The following CDH20 variants were observed in gnomAD, a reference collection of about 807,000 sequenced individuals.
CDH20 encodes cadherin 20.
CDH20 carries 29 observed loss-of-function variants against 74.2 expected under a neutral mutation model. The ratio of observed to expected loss-of-function variants is 0.39; its 90% CI spans 0.29 to 0.53. The LOEUF (loss-of-function observed/expected upper bound fraction) is 0.53. Ranked by LOEUF, CDH20 falls within the 20% of genes least tolerant of loss-of-function variation. The pLI is 0.69. For missense variants in CDH20, 988 were observed against 1,048.3 expected (o/e 0.94, Z 0.79); for synonymous variants, 469 against 405.4 (o/e 1.16, Z -1.88).
intron 1 of CDH20, 140 bp from the exon 2 acceptor site, chr18:61,490,262 T>C (rs1022868440): frequency 3.1e-6 from 1 of 318,982 alleles, no homozygotes; most frequent in Non-Finnish European, 5.9e-6. Context: ...TACTCAAACA[T>C]TTCTAAAGCA....
chr18:61,535,707 T>C (rs1912797235), intron 7 of CDH20, among the ~76,000 whole-genome samples: 1 of 152,244 alleles, frequency 6.6e-6, no homozygotes, highest in South Asian at 2.1e-4. Flanking sequence ...TAAAGATGCA[T>C]GTTGGTCCAG....
chr18:61,544,612 C>G (rs1323604150), intron 9 of CDH20, among the ~76,000 whole-genome samples: 1 of 152,184 alleles, frequency 6.6e-6, no homozygotes, highest in Non-Finnish European at 1.5e-5. Flanking sequence ...GGCTGAACTT[C>G]CCTTGGCATC....
chr18:61,469,403 ACC>A (rs3221745), intron 1 of CDH20, among the ~76,000 whole-genome samples: 1 of 145,298 alleles, frequency 6.9e-6, no homozygotes, highest in East Asian at 2.0e-4. Flanking sequence ...ACACACACAC[ACC>A]CCTATATAAA....
Position 61,490,438 on chromosome 18 carries a change from C to T in CDH20, c.-116C>T, listed in dbSNP as rs1288423818. ...CAAGCAGATTGACTTGAAACGGGAT[C>T]TCATTTAGGAAGCATAAGTGTCCAA... On this transcript the variant is annotated 5_prime_UTR_variant, in exon 2 of 12. Coordinates refer to ENST00000262717, the MANE Select transcript of CDH20 (RefSeq NM_031891.4). 9.0e-6 allele frequency: 9 copies of T among 996,458 alleles called. No homozygotes were observed. The East Asian group carries it at 1.9e-4, about 21-fold the overall frequency. 61.7% of individuals were successfully genotyped at this position (996,458 alleles called of 1,614,324 possible).
At chr18:61,506,076 C>G (rs993507687) in intron 5 of CDH20, among the ~76,000 whole-genome samples, 2 of 152,130 alleles carry the variant, frequency 1.3e-5, no homozygotes, top group Non-Finnish European at 2.9e-5. Context: ...AGCTAAGCCA[C>G]CTTTAATAGA....
At chr18:61,531,366 T>C (rs571057883) in intron 7 of CDH20, among the ~76,000 whole-genome samples, 2 of 152,338 alleles carry the variant, frequency 1.3e-5, no homozygotes, top group South Asian at 4.1e-4. Flanking sequence ...CCCCTTGGCA[T>C]CATGCCTGCA....
intron 1 of CDH20, among the ~76,000 whole-genome samples, chr18:61,416,713 A>G (rs1912697653): frequency 6.6e-6 from 1 of 152,224 alleles, no homozygotes; most frequent in Non-Finnish European, 1.5e-5. Context: ...ACAAAGACAC[A>G]TGACCACACC....
intron 1 of CDH20, among the ~76,000 whole-genome samples, chr18:61,395,825 G>A (rs1911946000): frequency 6.6e-6 from 1 of 152,308 alleles, no homozygotes; most frequent in African/African-American, 2.4e-5. Flanking sequence ...ATGAGGTCAG[G>A]AGATCGCGAC....
In CDH20 at chr18:61,455,907, T is replaced by G. The variant is rs116934350; in HGVS notation, c.-152-34495T>G. Among the ~76,000 whole-genome samples, 517 of 152,344 alleles carry G rather than the reference T, an allele frequency of 3.4e-3. 1 individual carries two copies. Among genetic ancestry groups the G allele is most frequent in the African/African-American group, 0.011 (440 of 41,584 alleles). The stretch of plus-strand genomic sequence containing the variant: ...ATTAATATTTGTTATCTAAATTGTA[T>G]AGGTAACAGCATCTTCACGTTGAGC... On this transcript the variant is annotated intron_variant, in intron 1 of 11. Transcript: ENST00000262717.
chr18:61,371,592 C>A (rs1047330972), intron 1 of CDH20, among the ~76,000 whole-genome samples: 3 of 151,806 alleles, frequency 2.0e-5, no homozygotes, highest in Admixed American at 6.6e-5. Flanking sequence ...ATTTTCTTTC[C>A]AAAAATATTC....
At position 61,347,944 on chromosome 18, in the gene CDH20, A is replaced by G. The variant is rs541266363; in HGVS notation, c.-153+14117A>G. On this transcript the variant is annotated intron_variant, in intron 1 of 11. Transcript: ENST00000262717. ...ACTGACCCCTCCCACACACATAAAG[A>G]ACTCAAACATAGTTTTATTAGTTGA... Among the ~76,000 whole-genome samples the G allele has an allele frequency of 1.3e-3, 193 of 152,328 alleles. 2 individuals are homozygous for G. The highest frequency in any genetic ancestry group is 3.4e-3 in the Middle Eastern group (1 of 294).
intron 11 of CDH20, among the ~76,000 whole-genome samples, chr18:61,551,689 G>A (rs757056232): frequency 1.3e-5 from 2 of 152,144 alleles, no homozygotes; most frequent in Non-Finnish European, 2.9e-5. Flanking sequence ...GCAATTCCTT[G>A]AGTTTCCATA....
At chr18:61,476,171 C>A (rs573315490) in intron 1 of CDH20, among the ~76,000 whole-genome samples, 1 of 152,110 alleles carries the variant, frequency 6.6e-6, no homozygotes, top group African/African-American at 2.4e-5. Flanking sequence ...CAAGAGAATG[C>A]CGCAGAAGAC....
At chr18:61,534,424 T>C (rs1912752638) in intron 7 of CDH20, among the ~76,000 whole-genome samples, 1 of 152,262 alleles carries the variant, frequency 6.6e-6, no homozygotes, top group Admixed American at 6.5e-5. Context: ...AGAATGTCTC[T>C]ACTTTCATAT....
chr18:61,419,923 T>C (rs12458703), intron 1 of CDH20, among the ~76,000 whole-genome samples: 30,524 of 152,062 alleles, frequency 0.2, 3,262 homozygotes, highest in Non-Finnish European at 0.24. Context: ...ACAAAAGAAA[T>C]GAGCTTTTCT....
rs1485185040 is a variant in CDH20, at chr18:61,353,152, A to C, written c.-153+19325A>C. On this transcript the variant is annotated intron_variant, in intron 1 of 11. Transcript: ENST00000262717. The surrounding 1 kb of genome is among the most constrained non-coding windows in gnomAD (Gnocchi z 4.6). ...AACAAAGGCGCGGGTCTGATACATC[A>C]GTTTCTAACTTAGAAACATTCATTT... Among the ~76,000 whole-genome samples, 1 of 152,218 alleles carries C rather than the reference A, an allele frequency of 6.6e-6. No homozygotes were observed. Among genetic ancestry groups the C allele is most frequent in the Admixed American group, 6.5e-5 (1 of 15,276 alleles).
intron 1 of CDH20, among the ~76,000 whole-genome samples, chr18:61,394,211 G>C (rs79799208): frequency 0.022 from 3,374 of 152,154 alleles, 131 homozygotes; most frequent in African/African-American, 0.077. Flanking sequence ...AATCAAATGC[G>C]AGTGGCCAGG....
Position 61,480,476 on chromosome 18 carries a change from C to A in CDH20, c.-152-9926C>A, listed in dbSNP as rs190764569. 3.3e-5 allele frequency among the ~76,000 whole-genome samples: 5 copies of A among 152,224 alleles called. No homozygotes were observed. In the East Asian group the frequency reaches 9.7e-4, roughly 29 times the overall value. ...ATGTAAGATGTACATTGGTTCTGTC[C>A]AGAAAGGTGGGACAACTCGAAGCAG... On this transcript the variant is annotated intron_variant, in intron 1 of 11. Transcript: ENST00000262717.
intron 1 of CDH20, among the ~76,000 whole-genome samples, chr18:61,368,928 GT>G (rs1307808173): frequency 1.3e-5 from 2 of 148,278 alleles, no homozygotes; most frequent in African/African-American, 5.0e-5. Flanking sequence ...CATTCTACTA[GT>G]CACATGAAAA....
Sources: allele counts gnomAD v4.1 joint callset (sites outside exome capture counted in the v4.1 genomes callset), GRCh38; gene constraint gnomAD v4.1.1; non-coding constraint Gnocchi (gnomAD v3.1); transcripts MANE v1.5; gene names NCBI Gene and HGNC (gene_info 2026-07-23, HGNC 2026-07-21).